LTBP3: variants seen among roughly 807,000 people sequenced by gnomAD.
The protein encoded by LTBP3 is latent-transforming growth factor beta-binding protein 3.
In LTBP3, 97 loss-of-function variants were observed where a neutral mutation model predicts 159.7. The ratio of observed to expected loss-of-function variants is 0.61; its 90% CI spans 0.52 to 0.72. The LOEUF (loss-of-function observed/expected upper bound fraction) is 0.72, where lower values mean the gene tolerates loss of function less well. Among genes scored for constraint, LTBP3 ranks in the 30% least tolerant of loss-of-function variants. The pLI, the probability that LTBP3 is intolerant of heterozygous loss-of-function variation, is 0.00. For synonymous variants in LTBP3, 824 were observed against 777.1 expected (o/e 1.06, Z -1.00); for missense variants, 1,584 against 1,864.3 (o/e 0.85, Z 2.77).
rs72939112 is a variant in LTBP3, at chr11:65,552,241, G to A, written c.1345+7C>T. ...TGAACCCCTATCCCCGGGTAACCCTGACTCACCGGTGCCATCTGTTGGGCA... is the reference window on the plus strand; with the variant it reads ...TGAACCCCTATCCCCGGGTAACCCTAACTCACCGGTGCCATCTGTTGGGCA... On this transcript the variant is annotated splice_region_variant and intron_variant, in intron 7 of 27. Coordinates refer to ENST00000301873, the MANE Select transcript of LTBP3 (RefSeq NM_001130144.3). The surrounding 1 kb of genome is among the most constrained non-coding windows in gnomAD (Gnocchi z 6.0). 4.7e-4 allele frequency: 752 copies of A among 1,614,130 alleles called. 1 individual carries two copies. The highest frequency in any genetic ancestry group is 5.9e-4 in the Non-Finnish European group (701 of 1,180,008).
At position 65,546,746 on chromosome 11, in the gene LTBP3, TG is replaced by T; in HGVS notation, c.2230+51del. 1.1e-6 allele frequency: 1 copy of T among 940,358 alleles called. No homozygotes were observed. The highest frequency in any genetic ancestry group is 1.6e-6 in the Non-Finnish European group (1 of 642,510). The allele number at this position is 940,358 out of a possible 1,614,324, so 58.3% of individuals were successfully genotyped here. On this transcript the variant is annotated intron_variant, in intron 15 of 27. Coordinates refer to ENST00000301873, the MANE Select transcript of LTBP3 (RefSeq NM_001130144.3). This position sits in a 1 kb window ranked among gnomAD's most constrained non-coding sequence, Gnocchi z 4.0. ...CGCCCCGCCCCCAGCGGAGCCAGAC[TG>T]GGGGAGGCACCTGACGGCCCCACCC...
intron 24 of LTBP3, 51 bp from the exon 25 acceptor site, chr11:65,539,932 G>A (rs1480358045): frequency 6.8e-6 from 10 of 1,472,774 alleles, no homozygotes; most frequent in East Asian, 2.7e-5. Flanking sequence ...GGAACCGCCC[G>A]CCTCCGCCCC....
Position 65,541,673 on chromosome 11 carries a change from C to G in LTBP3, c.2652G>C (p.Lys884Asn), listed in dbSNP as rs1388086275. ...PSLCLPHGAC[K>N]NLQGSYVCVC... Reference sequence around the variant, plus strand: ...CACACACATAGGAGCCCTGAAGGTTCTTGCAGGCCCCATGGGGAAGGCACA... The same window carrying G: ...CACACACATAGGAGCCCTGAAGGTTGTTGCAGGCCCCATGGGGAAGGCACA... Residue 884 changes from lysine to asparagine, a missense_variant, in exon 19 of 28, where the codon AAG (lysine) becomes AAC (asparagine). By Grantham distance (94) the Lys-to-Asn change is moderately conservative. Around this residue, in one of 6 missense-constraint regions of LTBP3, gnomAD observed 565 missense variants for 677.7 expected, o/e 0.83. Transcript: ENST00000301873. 1 of 1,614,128 alleles carries G rather than the reference C, an allele frequency of 6.2e-7. No homozygotes were observed. The highest frequency in any genetic ancestry group is 1.7e-5 in the Admixed American group (1 of 60,020).
Position 65,546,630 on chromosome 11 carries a change from G to C in LTBP3, c.2231-66C>G. The C allele has an allele frequency of 6.3e-7, 1 of 1,593,288 alleles. No individual in the cohort carries two copies. Among genetic ancestry groups the C allele is most frequent in the Non-Finnish European group, 8.5e-7 (1 of 1,177,694 alleles). ...AAGGCGGACCGCGCACCTCGCGGGG[G>C]TGTGGGTCTCTTCCCTGGAACGCGG... On this transcript the variant is annotated intron_variant, in intron 15 of 27. Transcript: ENST00000301873. The surrounding 1 kb of genome is among the most constrained non-coding windows in gnomAD (Gnocchi z 4.0).
intron 1 of LTBP3, 113 bp downstream of exon 1, chr11:65,557,516 C>A: frequency 1.4e-6 from 2 of 1,472,334 alleles, no homozygotes; most frequent in South Asian, 1.2e-5. Context: ...GCCCTCGGAT[C>A]TCTGCCCTTT....
chr11:65,540,897 A>G lies in LTBP3; in HGVS notation c.2951T>C (p.Val984Ala). The part of the protein sequence containing the change: ...GKGYTQDNNI[V>A]NYGIPAHRDI... ...ACGGTGGGCTGGGATGCCGTAGTTG[A>G]CGATGTTGTTGTCCTGGGTGTAGCC... Residue 984 changes from valine to alanine, a missense_variant, in exon 21 of 28, where the codon GTC becomes GCC. Val to Ala is a moderately conservative substitution (Grantham distance 64). Around this residue, in one of 6 missense-constraint regions of LTBP3, gnomAD observed 514 missense variants for 530.3 expected, o/e 0.97. Coordinates refer to ENST00000301873, the MANE Select transcript of LTBP3 (RefSeq NM_001130144.3). 6.2e-7 allele frequency: 1 copy of G among 1,613,166 alleles called. No homozygotes were observed. The highest frequency in any genetic ancestry group is 2.2e-5 in the East Asian group (1 of 44,848).
At chr11:65,542,685 C>T in intron 18 of LTBP3, 1 of 308,104 alleles carries the variant, frequency 3.2e-6, no homozygotes, top group Non-Finnish European at 6.3e-6. Flanking sequence ...CGCCCCCAGC[C>T]TGAGCCACTG....
rs945054119 is a variant in LTBP3, at chr11:65,538,822, G to A, written c.*258C>T. The A allele has an allele frequency of 2.4e-6, 2 of 824,522 alleles. No individual in the cohort carries two copies. Among genetic ancestry groups the A allele is most frequent in the Middle Eastern group, 3.7e-4 (1 of 2,730 alleles). 51.1% of individuals were successfully genotyped at this position (824,522 alleles called of 1,614,324 possible). ...ATTTGCTTCGAAAGCCAAGGGTAAA[G>A]AGGCACGATCTGATTTATCAGTTTC... On this transcript the variant is annotated 3_prime_UTR_variant, in exon 28 of 28. Coordinates refer to ENST00000301873, the MANE Select transcript of LTBP3 (RefSeq NM_001130144.3).
At chr11:65,550,661 TA>T (rs11306484) in intron 11 of LTBP3, among the ~76,000 whole-genome samples, 142,832 of 148,022 alleles carry the variant, frequency 0.96, 69,018 homozygotes, top group South Asian at 1. Flanking sequence ...CCGTCTCTAC[TA>T]AAAAAAAAAA....
chr11:65,540,972 C>T lies in LTBP3; in HGVS notation c.2894-18G>A. On this transcript the variant is annotated intron_variant, in intron 20 of 27. Transcript: ENST00000301873. ...GAACTCGGCTGCAGGGGCAGGGCGG[C>T]CGTGGGGAGGGAAGAGGCAGGACTG... 2 of 1,610,630 alleles carry T rather than the reference C, an allele frequency of 1.2e-6. No homozygotes were observed. The highest frequency in any genetic ancestry group is 8.5e-7 in the Non-Finnish European group (1 of 1,178,420).
chr11:65,553,362 ATGGGTGGGG>A lies in LTBP3; in HGVS notation c.970+54_970+62del. 4.7e-6 allele frequency: 2 copies of A among 429,584 alleles called. No individual in the cohort carries two copies. The highest frequency in any genetic ancestry group is 3.7e-6 in the Non-Finnish European group (1 of 269,902). 26.6% of individuals were successfully genotyped at this position (429,584 alleles called of 1,614,324 possible). A position where few individuals can be genotyped will look rare whatever the true frequency, so the allele number is the denominator to read the frequency against. ...TGACCTGGGGACTCCCACTGCAGGGATGGGTGGGGTGGGTGGGGAGGGGCCACCAGATAG... is the reference window on the plus strand; with the variant it reads ...TGACCTGGGGACTCCCACTGCAGGGATGGGTGGGGAGGGGCCACCAGATAG... On this transcript the variant is annotated intron_variant, in intron 4 of 27. Coordinates refer to ENST00000301873, the MANE Select transcript of LTBP3 (RefSeq NM_001130144.3). The surrounding 1 kb of genome is among the most constrained non-coding windows in gnomAD (Gnocchi z 6.5).
chr11:65,556,564 C>CT, intron 1 of LTBP3, among the ~76,000 whole-genome samples: 2 of 152,318 alleles, frequency 1.3e-5, no homozygotes, highest in East Asian at 3.9e-4. Context: ...CACATACTCT[C>CT]TAACAGCGAC....
chr11:65,545,421 T>TC (rs1459955947), intron 16 of LTBP3: 1 of 230,070 alleles, frequency 4.3e-6, no homozygotes, highest in Non-Finnish European at 8.6e-6. Context: ...CACAATCCAT[T>TC]CAATTTGTCC....
rs1856649731 is a variant in LTBP3 at position 65,552,522 on chromosome 11, G to A, written c.1187-116C>T. 3.8e-6 allele frequency: 5 copies of A among 1,312,596 alleles called. No homozygotes were observed. In the South Asian group the frequency reaches 6.4e-5, roughly 17 times the overall value. 81.3% of individuals were successfully genotyped at this position (1,312,596 alleles called of 1,614,324 possible). ...CAGACAACCCTTGATCCCCCATGTG[G>A]TCTCTGACCCCATATGACCCTGAAC... On this transcript the variant is annotated intron_variant, in intron 6 of 27. Transcript: ENST00000301873. The surrounding 1 kb of genome is among the most constrained non-coding windows in gnomAD (Gnocchi z 6.0).
intron 11 of LTBP3, among the ~76,000 whole-genome samples, chr11:65,549,724 T>C (rs1458633383): frequency 7.3e-6 from 1 of 136,768 alleles, no homozygotes; most frequent in Non-Finnish European, 1.5e-5. Flanking sequence ...TGCCACAGTT[T>C]CCCAGTTTTC....
In LTBP3 at chr11:65,553,056, G is replaced by A; in HGVS notation, c.1064-74C>T. On this transcript the variant is annotated intron_variant, in intron 5 of 27. Transcript: ENST00000301873. This position sits in a 1 kb window ranked among gnomAD's most constrained non-coding sequence, Gnocchi z 6.5. ...CAGCAGGCTGCTCCAAGAACCTCAG[G>A]GTCTTGCCCCAGCCCCACCTCCTCT... The A allele has an allele frequency of 6.2e-7, 1 of 1,611,320 alleles. No homozygotes were observed. The highest frequency in any genetic ancestry group is 8.5e-7 in the Non-Finnish European group (1 of 1,177,876).
chr11:65,553,690 G>A lies in LTBP3; in HGVS notation c.864+11C>T. 1 of 1,571,528 alleles carries A rather than the reference G, an allele frequency of 6.4e-7. No individual in the cohort carries two copies. Among genetic ancestry groups the A allele is most frequent in the African/African-American group, 1.3e-5 (1 of 74,406 alleles). On this transcript the variant is annotated intron_variant, in intron 3 of 27. Transcript: ENST00000301873. The surrounding 1 kb of genome is among the most constrained non-coding windows in gnomAD (Gnocchi z 6.5). ...GAAGGAAAGGCAGATCCCGACTGTG[G>A]ATTCACTCACCGGCTGCTTGGGCAG...
chr11:65,545,494 G>C (rs1289808022), intron 16 of LTBP3: 7 of 231,936 alleles, frequency 3.0e-5, no homozygotes, highest in Admixed American at 5.6e-5. Flanking sequence ...TTCCCAGTGA[G>C]CAGCACTACC....
rs924684175 is a variant in LTBP3, at chr11:65,554,700, T to C, written c.332-320A>G. ...GATGAGGTAAGGGCTGTACAAATGC[T>C]TACCCCAGGGCCTGGTACACAAAGG... On this transcript the variant is annotated intron_variant, in intron 1 of 27. Transcript: ENST00000301873. The surrounding 1 kb of genome is among the most constrained non-coding windows in gnomAD (Gnocchi z 5.3). 3.3e-5 allele frequency among the ~76,000 whole-genome samples: 5 copies of C among 152,098 alleles called. No homozygotes were observed. The highest frequency in any genetic ancestry group is 7.4e-5 in the Non-Finnish European group (5 of 67,998).
Sources: allele counts gnomAD v4.1 joint callset (sites outside exome capture counted in the v4.1 genomes callset), GRCh38; gene constraint gnomAD v4.1.1; regional missense constraint gnomAD v4.1.1; non-coding constraint Gnocchi (gnomAD v3.1); transcripts MANE v1.5; gene names NCBI Gene and HGNC (gene_info 2026-07-23, HGNC 2026-07-21).